The following NASP variants were observed in gnomAD, a reference collection of about 807,000 sequenced individuals.
NASP encodes the protein NASP histone chaperone.
A neutral mutation model predicts 89.5 loss-of-function variants in NASP; 24 were observed. That is an observed-to-expected ratio of 0.27 (90% CI 0.19 to 0.38). The LOEUF (loss-of-function observed/expected upper bound fraction) is 0.38, where lower values mean the gene tolerates loss of function less well. Ranked by LOEUF, NASP falls within the 10% of genes least tolerant of loss-of-function variation. The pLI, the probability that NASP is intolerant of heterozygous loss-of-function variation, is 1.00. For missense variants in NASP, 848 were observed against 921.4 expected (o/e 0.92, Z 1.03); for synonymous variants, 306 against 324.7 (o/e 0.94, Z 0.62).
At chr1:45,602,142 G>A in intron 2 of NASP, 113 bp from the exon 3 acceptor site, 1 of 1,316,150 alleles carries the variant, frequency 7.6e-7, no homozygotes, top group Non-Finnish European at 1.0e-6. Context: ...GCCAGGCCTT[G>A]CCAGAGTAGT....
intron 2 of NASP, among the ~76,000 whole-genome samples, chr1:45,592,049 G>A (rs1240208705): frequency 6.6e-6 from 1 of 151,920 alleles, no homozygotes; most frequent in Non-Finnish European, 1.5e-5. Context: ...GTGCAGTGGC[G>A]CAATCTTGGC....
At chr1:45,584,281 G>T in intron 1 of NASP, 76 bp downstream of exon 1, 1 of 1,393,074 alleles carries the variant, frequency 7.2e-7, no homozygotes, top group South Asian at 1.3e-5. Context: ...TCCGGAGAAG[G>T]GGCAGACCGG....
At chr1:45,616,267 T>G (rs533202520) in intron 11 of NASP, 70 bp from the exon 12 acceptor site, 9 of 1,364,278 alleles carry the variant, frequency 6.6e-6, no homozygotes, top group South Asian at 3.5e-5. Flanking sequence ...TGGTGATGGG[T>G]TCCTGTTACA....
At chr1:45,594,829 T>G (rs988448842) in intron 2 of NASP, 10 of 380,026 alleles carry the variant, frequency 2.6e-5, no homozygotes, top group Non-Finnish European at 1.1e-5. Flanking sequence ...CAGAATATTC[T>G]GATTCTGAGA....
rs1291286832 is a variant in NASP, at chr1:45,617,490, A to G, written c.2185A>G (p.Lys729Glu). ...KRKPEEESPR[K>E]DDAKKAKQEP... ...GAAACCAGAGGAAGAGAGTCCCCGG[A>G]AAGATGATGCAAAGAAAGCCAAACA... Residue 729 changes from lysine to glutamate, a missense_variant, in exon 14 of 15, where the codon AAA becomes GAA. Around this residue, in one of 5 missense-constraint regions of NASP, gnomAD observed 218 missense variants for 219.6 expected, o/e 0.99. Coordinates refer to ENST00000350030, the MANE Select transcript of NASP (RefSeq NM_002482.4). The G allele has an allele frequency of 6.8e-6, 11 of 1,613,626 alleles. No individual in the cohort carries two copies. The South Asian group carries it at 9.9e-5, about 14-fold the overall frequency.
intron 2 of NASP, among the ~76,000 whole-genome samples, chr1:45,596,431 A>G (rs975943971): frequency 2.6e-4 from 39 of 152,124 alleles, no homozygotes; most frequent in African/African-American, 8.9e-4. Context: ...TGGCTACTTT[A>G]GGTACCTCGT....
intron 2 of NASP, among the ~76,000 whole-genome samples, chr1:45,593,153 ACAT>A (rs1198115873): frequency 6.6e-6 from 1 of 152,210 alleles, no homozygotes; most frequent in African/African-American, 2.4e-5. Flanking sequence ...TATGATGTTA[ACAT>A]CATTCTCAAA....
At chr1:45,614,054 T>C in intron 7 of NASP, 42 bp from the exon 8 acceptor site, 2 of 1,414,148 alleles carry the variant, frequency 1.4e-6, no homozygotes, top group Non-Finnish European at 2.0e-6. Flanking sequence ...GATTTGTATT[T>C]GAAAAAGATG....
intron 1 of NASP, among the ~76,000 whole-genome samples, chr1:45,586,284 G>GTGTGTGTGTGTGTGTGGTGTGTGTGGT (rs1202771599): frequency 2.0e-5 from 2 of 100,474 alleles, no homozygotes; most frequent in African/African-American, 8.9e-5. Flanking sequence ...GTGTGTGTGT[G>GTGTGTGTGTGTGTGTGGTGTGTGTGGT]GTGTGTGTGT....
chr1:45,608,362 A>T, intron 6 of NASP, 25 bp downstream of exon 6: 1 of 1,575,140 alleles, frequency 6.3e-7, no homozygotes, highest in Non-Finnish European at 8.6e-7. Context: ...CAAGAGCTGC[A>T]GTGGGTGGAG....
intron 4 of NASP, 74 bp from the exon 5 acceptor site, chr1:45,606,408 C>A: frequency 1.0e-6 from 1 of 984,732 alleles, no homozygotes; most frequent in Non-Finnish European, 1.6e-6. Flanking sequence ...TAATATAGGA[C>A]TGTATTTTCT....
At chr1:45,612,863 T>C in intron 6 of NASP, 1 of 207,476 alleles carries the variant, frequency 4.8e-6, no homozygotes, top group Non-Finnish European at 9.5e-6. Context: ...CTTCTAGCCA[T>C]TGAATAAGAG....
At position 45,592,317 on chromosome 1, in the gene NASP, G is replaced by A. The variant is rs1039431379; in HGVS notation, c.107+1047G>A. ...ATTTTTCGAAGCGGAGTCTTGCTTTGTTGGCCAGGGTGGTCTCCAACCTGG... is the reference window on the plus strand; with the variant it reads ...ATTTTTCGAAGCGGAGTCTTGCTTTATTGGCCAGGGTGGTCTCCAACCTGG... On this transcript the variant is annotated intron_variant, in intron 2 of 14. Coordinates refer to ENST00000350030, the MANE Select transcript of NASP (RefSeq NM_002482.4). Among the ~76,000 whole-genome samples the A allele has an allele frequency of 4.6e-5, 7 of 152,124 alleles. No homozygotes were observed. In the East Asian group the frequency reaches 1.4e-3, roughly 30 times the overall value.
intron 11 of NASP, among the ~76,000 whole-genome samples, chr1:45,615,931 G>A (rs950197224): frequency 6.6e-6 from 1 of 152,178 alleles, no homozygotes; most frequent in African/African-American, 2.4e-5. Flanking sequence ...TGCCCGACCT[G>A]TAGTACATAT....
At chr1:45,598,745 G>T (rs1643759682) in intron 2 of NASP, among the ~76,000 whole-genome samples, 1 of 152,134 alleles carries the variant, frequency 6.6e-6, no homozygotes, top group Non-Finnish European at 1.5e-5. Flanking sequence ...TCCTTCAGTT[G>T]ACTTTTTAAT....
intron 2 of NASP, among the ~76,000 whole-genome samples, chr1:45,595,953 T>G (rs2148340041): frequency 6.6e-6 from 1 of 152,356 alleles, no homozygotes; most frequent in South Asian, 2.1e-4. Flanking sequence ...TTACTGGCTT[T>G]TATTCGAAAG....
At chr1:45,609,094 A>T (rs1306022363) in intron 6 of NASP, among the ~76,000 whole-genome samples, 1 of 152,142 alleles carries the variant, frequency 6.6e-6, no homozygotes, top group Non-Finnish European at 1.5e-5. Flanking sequence ...GCTTTCTATA[A>T]TGCTATTGGT....
rs1569588663 is a variant in NASP, at chr1:45,609,339, T to C, written c.1426+1002T>C. On this transcript the variant is annotated intron_variant, in intron 6 of 14. Coordinates refer to ENST00000350030, the MANE Select transcript of NASP (RefSeq NM_002482.4). ...ACCCATCTTCAATACTTTGAACTCA[T>C]TCTGGTAAACTTCCTTCTACCTATG... 2.0e-5 allele frequency: 3 copies of C among 152,308 alleles called. No individual in the cohort carries two copies. The East Asian group carries it at 5.8e-4, about 29-fold the overall frequency. 9.4% of individuals were successfully genotyped at this position (152,308 alleles called of 1,614,324 possible).
rs1051618587 is a variant in NASP, at chr1:45,607,623, G to C, written c.712G>C (p.Asp238His). 1.2e-6 allele frequency: 2 copies of C among 1,614,068 alleles called. No individual in the cohort carries two copies. Among genetic ancestry groups the C allele is most frequent in the Non-Finnish European group, 1.7e-6 (2 of 1,180,036 alleles). The part of the protein sequence containing the change: ...TSGKPEQEVP[D>H]AEEEKSVSGT... ...TGGGAAGCCAGAACAGGAAGTACCA[G>C]ATGCTGAGGAAGAAAAATCAGTTTC... The change falls in exon 6 of 15, where the codon GAT becomes CAT. Residue 238 changes from aspartate (D) to histidine (H), a missense_variant. By Grantham distance (81) the Asp-to-His change is moderately conservative. Transcript: ENST00000350030.
Sources: gnomAD v4.1 joint callset for allele counts (sites outside exome capture counted in the v4.1 genomes callset) on GRCh38, gnomAD v4.1.1 for gene constraint, gnomAD v4.1.1 regional missense constraint, MANE v1.5 for transcripts, NCBI Gene and HGNC (gene_info 2026-07-23, HGNC 2026-07-21) for gene names.